The following MAFK variants were observed in gnomAD, a reference collection of about 807,000 sequenced individuals.
MAFK encodes MAF bZIP transcription factor K.
Under a neutral mutation model 9.2 loss-of-function variants are expected in MAFK, and 1 was observed. The observed-to-expected ratio is 0.11, with a 90% confidence interval of 0.04 to 0.52. The LOEUF (loss-of-function observed/expected upper bound fraction) is 0.52, where lower values mean the gene tolerates loss of function less well. MAFK is among the 20% of genes least tolerant of loss of function. MAFK has a pLI of 0.94. For synonymous variants in MAFK, 110 were observed against 107.4 expected, an observed-to-expected ratio of 1.02 and a Z score of -0.15; for missense variants, 207 against 236.0, an observed-to-expected ratio of 0.88 and a Z score of 0.81.
chr7:1,539,066 A>C, intron 1 of MAFK, 83 bp from the exon 2 acceptor site: 1 of 1,039,262 alleles, frequency 9.6e-7, no homozygotes, highest in Admixed American at 2.0e-5. Context: ...GCTGAGAAGC[A>C]TCCCTGCATG....
chr7:1,530,940 A>C (rs1783889182), intron 1 of MAFK, 42 bp downstream of exon 1: 1 of 132,410 alleles, frequency 7.6e-6, no homozygotes, highest in African/African-American at 2.8e-5. Flanking sequence ...CGCGGCGGGG[A>C]CGGGGACCGG....
At chr7:1,533,305 G>C (rs911766479) in intron 1 of MAFK, among the ~76,000 whole-genome samples, 1 of 152,222 alleles carries the variant, frequency 6.6e-6, no homozygotes, top group Non-Finnish European at 1.5e-5. Flanking sequence ...GGCTCATCTC[G>C]TACAGCGGGG....
rs902672728 is a variant in MAFK, at chr7:1,538,422, G to T, written c.-44-727G>T. On this transcript the variant is annotated intron_variant, in intron 1 of 2. Transcript: ENST00000343242. Reference sequence around the variant, plus strand: ...CTCGCTCGGGGGCAGCTTAGGTGGAGGTGGTGATGTCACAGCCGCAGCGGC... The same window carrying T: ...CTCGCTCGGGGGCAGCTTAGGTGGATGTGGTGATGTCACAGCCGCAGCGGC... The T allele has an allele frequency of 5.1e-6, 5 of 985,408 alleles. No homozygotes were observed. The African/African-American group carries it at 7.0e-5, about 14-fold the overall frequency. 61.0% of individuals were successfully genotyped at this position (985,408 alleles called of 1,614,324 possible). A position where few individuals can be genotyped will look rare whatever the true frequency, so the allele number is the denominator to read the frequency against.
In MAFK at chr7:1,537,393, T is replaced by A. The variant is rs1784057173; in HGVS notation, c.-44-1756T>A. 5.1e-6 allele frequency: 5 copies of A among 985,382 alleles called. No individual in the cohort carries two copies. In the South Asian group the frequency reaches 1.4e-4, roughly 28 times the overall value. The allele number at this position is 985,382 out of a possible 1,614,324, so 61.0% of individuals were successfully genotyped here. ...GCATAGCTATGTCGTGGCCGGCCTG[T>A]GCACTGACGTGCTCGCAGTGGAGCT... is the stretch of plus-strand genomic sequence containing the variant. On this transcript the variant is annotated intron_variant, in intron 1 of 2. Coordinates refer to ENST00000343242, the MANE Select transcript of MAFK (RefSeq NM_002360.4).
intron 1 of MAFK, 60 bp from the exon 2 acceptor site, chr7:1,539,089 C>G (rs1784108914): frequency 7.3e-7 from 1 of 1,367,178 alleles, no homozygotes; most frequent in Non-Finnish European, 1.0e-6. Flanking sequence ...AGGTGGGCAC[C>G]CTGTCCGGCG....
At chr7:1,535,012 C>T (rs1426046363) in intron 1 of MAFK, among the ~76,000 whole-genome samples, 1 of 151,994 alleles carries the variant, frequency 6.6e-6, no homozygotes, top group Admixed American at 6.6e-5. Context: ...CTCAAGCAAT[C>T]CTCCCACCTC....
intron 1 of MAFK, among the ~76,000 whole-genome samples, chr7:1,531,349 C>G (rs1020520670): frequency 2.6e-5 from 4 of 152,016 alleles, no homozygotes; most frequent in Admixed American, 6.5e-5. Context: ...AGCGTGGCTT[C>G]CGCGTGCGGC....
rs762834397 is a variant in MAFK at position 1,534,479 on chromosome 7, G to A, written c.-45+3581G>A. Reference sequence around the variant, plus strand: ...GCACCTGCCGTGGGAGTCACTGGTCGGGGGGCGGGAGGGCGCTTGCTGCTG... The same window carrying A: ...GCACCTGCCGTGGGAGTCACTGGTCAGGGGGCGGGAGGGCGCTTGCTGCTG... On this transcript the variant is annotated intron_variant, in intron 1 of 2. Transcript: ENST00000343242. This position sits in a 1 kb window ranked among gnomAD's most constrained non-coding sequence, Gnocchi z 4.3. The A allele has an allele frequency of 1.8e-5, 8 of 438,720 alleles. No individual in the cohort carries two copies. Among genetic ancestry groups the A allele is most frequent in the South Asian group, 7.9e-5 (5 of 62,996 alleles). 27.2% of individuals were successfully genotyped at this position (438,720 alleles called of 1,614,324 possible). A position where few individuals can be genotyped will look rare whatever the true frequency, so the allele number is the denominator to read the frequency against.
rs977868045 is a variant in MAFK at position 1,541,342 on chromosome 7, G to A, written c.*967G>A. 1.3e-5 allele frequency: 2 copies of A among 153,012 alleles called. No individual in the cohort carries two copies. Among genetic ancestry groups the A allele is most frequent in the African/African-American group, 2.4e-5 (1 of 41,388 alleles). 9.5% of individuals were successfully genotyped at this position (153,012 alleles called of 1,614,324 possible). On this transcript the variant is annotated 3_prime_UTR_variant, in exon 3 of 3. Coordinates refer to ENST00000343242, the MANE Select transcript of MAFK (RefSeq NM_002360.4). ...CAACTGTGGTCAGTGCAGGGGGAAC[G>A]AGGAGGTCTTTTGGGGGCCTGGCGA...
intron 1 of MAFK, among the ~76,000 whole-genome samples, chr7:1,535,445 A>T (rs1209763885): frequency 6.6e-6 from 1 of 152,208 alleles, no homozygotes; most frequent in Non-Finnish European, 1.5e-5. Flanking sequence ...ACTTGAGTCC[A>T]GGAGCTCGAG....
rs371755518 is a variant in MAFK, at chr7:1,539,964, C to T, written c.60C>T (p.Asn20=). Reference sequence around the variant, plus strand: ...AGGTCAAGAAGGAGGCGGGCGAGAACGCCCCGGTGCTCAGCGATGATGAGC... The same window carrying T: ...AGGTCAAGAAGGAGGCGGGCGAGAATGCCCCGGTGCTCAGCGATGATGAGC... The part of the protein sequence containing the change: ...ALKVKKEAGE[N]APVLSDDELV... Residue 20 remains asparagine (N), a synonymous_variant, in exon 3 of 3, where the codon AAC becomes AAT. Coordinates refer to ENST00000343242, the MANE Select transcript of MAFK (RefSeq NM_002360.4). The T allele has an allele frequency of 2.4e-5, 37 of 1,540,074 alleles. No homozygotes were observed. Among genetic ancestry groups the T allele is most frequent in the South Asian group, 3.6e-5 (3 of 83,458 alleles).
At chr7:1,538,102 C>G (rs906753985) in intron 1 of MAFK, 1 of 201,264 alleles carries the variant, frequency 5.0e-6, no homozygotes, top group African/African-American at 2.4e-5. Context: ...AAGTCAGGAT[C>G]GCGTTTGGGC....
rs981004012 is a variant in MAFK, at chr7:1,534,221, C to G, written c.-45+3323C>G. ...GGGACAGCCGGACAGTGGGGGCCCT[C>G]GCAGTGTAGGACCTCATCCTCAGTA... On this transcript the variant is annotated intron_variant, in intron 1 of 2. Coordinates refer to ENST00000343242, the MANE Select transcript of MAFK (RefSeq NM_002360.4). The surrounding 1 kb of genome is among the most constrained non-coding windows in gnomAD (Gnocchi z 4.3). 2.2e-6 allele frequency: 1 copy of G among 455,046 alleles called. No individual in the cohort carries two copies. Among genetic ancestry groups the G allele is most frequent in the Non-Finnish European group, 4.4e-6 (1 of 226,156 alleles). The allele number at this position is 455,046 out of a possible 1,614,324, so 28.2% of individuals were successfully genotyped here.
At chr7:1,536,188 C>T (rs576825463) in intron 1 of MAFK, among the ~76,000 whole-genome samples, 1 of 152,296 alleles carries the variant, frequency 6.6e-6, no homozygotes, top group African/African-American at 2.4e-5. Flanking sequence ...GGCCCCACAG[C>T]GGAAACTCAG....
chr7:1,531,701 G>A (rs1783910091), intron 1 of MAFK, among the ~76,000 whole-genome samples: 1 of 152,166 alleles, frequency 6.6e-6, no homozygotes, highest in African/African-American at 2.4e-5. Context: ...GTCTGCGTCT[G>A]CACAGCCTCT....
chr7:1,535,837 G>A (rs1055881571), intron 1 of MAFK, among the ~76,000 whole-genome samples: 1 of 152,208 alleles, frequency 6.6e-6, no homozygotes, highest in Non-Finnish European at 1.5e-5. Context: ...CCTGCCCTGC[G>A]CTTTATGGAG....
At position 1,537,807 on chromosome 7, in the gene MAFK, G is replaced by T. The variant is rs528889930; in HGVS notation, c.-44-1342G>T. ...TGGGCCCGAGGGCTCCCTGGCCCAG[G>T]GTGTGGGGAGGGTCCTGGGCTGGCA... On this transcript the variant is annotated intron_variant, in intron 1 of 2. Transcript: ENST00000343242. 1.5e-4 allele frequency: 88 copies of T among 576,326 alleles called. No individual in the cohort carries two copies. The African/African-American group carries it at 1.7e-3, about 11-fold the overall frequency. The allele number at this position is 576,326 out of a possible 1,614,324, so 35.7% of individuals were successfully genotyped here.
chr7:1,534,526 G>C lies in MAFK; in HGVS notation c.-45+3628G>C, dbSNP rs749866994. On this transcript the variant is annotated intron_variant, in intron 1 of 2. Transcript: ENST00000343242. This position sits in a 1 kb window ranked among gnomAD's most constrained non-coding sequence, Gnocchi z 4.3. ...GCTGTGCTGCTGGGTTTCTGAACCC[G>C]TGTCTCTCGCACAGAGCTCCCGTCC... 10 of 452,168 alleles carry C rather than the reference G, an allele frequency of 2.2e-5. No homozygotes were observed. Among genetic ancestry groups the C allele is most frequent in the Admixed American group, 7.1e-5 (3 of 42,432 alleles). The allele number at this position is 452,168 out of a possible 1,614,324, so 28.0% of individuals were successfully genotyped here.
Position 1,540,410 on chromosome 7 carries a change from CGGCGGG to C in MAFK, c.*36_*41del. Reference sequence around the variant, plus strand: ...GGGGCGGGGGGTGGCGGGCGGCGGGCGGCGGGCAGGCGGGTGGGGGCACACCCCTCG... The same window carrying C: ...GGGGCGGGGGGTGGCGGGCGGCGGGCCAGGCGGGTGGGGGCACACCCCTCG... On this transcript the variant is annotated 3_prime_UTR_variant, in exon 3 of 3. Transcript: ENST00000343242. 3 of 185,234 alleles carry C rather than the reference CGGCGGG, an allele frequency of 1.6e-5. No individual in the cohort carries two copies. Among genetic ancestry groups the C allele is most frequent in the South Asian group, 7.7e-5 (1 of 12,920 alleles). 11.5% of individuals were successfully genotyped at this position (185,234 alleles called of 1,614,324 possible).
Sources: gnomAD v4.1 joint callset for allele counts (sites outside exome capture counted in the v4.1 genomes callset) on GRCh38, gnomAD v4.1.1 for gene constraint, Gnocchi (gnomAD v3.1) non-coding constraint, MANE v1.5 for transcripts, NCBI Gene and HGNC (gene_info 2026-07-23, HGNC 2026-07-21) for gene names.